KCND2: variants seen among roughly 807,000 people sequenced by gnomAD.
KCND2 encodes the protein potassium voltage-gated channel subfamily D member 2.
In KCND2, 16 loss-of-function variants were observed where a neutral mutation model predicts 54.4. That is an observed-to-expected ratio of 0.29 (90% CI 0.20 to 0.45). The LOEUF (loss-of-function observed/expected upper bound fraction) is 0.45. Ranked by LOEUF, KCND2 falls within the 20% of genes least tolerant of loss-of-function variation. The pLI is 1.00. For synonymous variants in KCND2, 317 were observed against 310.7 expected (o/e 1.02, Z -0.21); for missense variants, 486 against 824.2 (o/e 0.59, Z 5.02).
Position 120,457,442 on chromosome 7 carries a change from C to T in KCND2, c.1115+181695C>T, listed in dbSNP as rs146976606. ...TTCTGCCAGATACCCTAAATCATCT[C>T]TCTCAAGTTCAAATTTCCACATATC... On this transcript the variant is annotated intron_variant, in intron 1 of 5. Transcript: ENST00000331113. Among the ~76,000 whole-genome samples the T allele has an allele frequency of 6.2e-3, 939 of 152,284 alleles. 13 individuals are homozygous for T. Among genetic ancestry groups the T allele is most frequent in the Middle Eastern group, 0.034 (10 of 294 alleles).
chr7:120,622,673 A>C (rs1185824878), intron 1 of KCND2, among the ~76,000 whole-genome samples: 2 of 138,258 alleles, frequency 1.4e-5, no homozygotes, highest in African/African-American at 6.0e-5. Context: ...TTACACACAC[A>C]CACACACACA....
intron 1 of KCND2, among the ~76,000 whole-genome samples, chr7:120,351,626 C>T (rs1489213464): frequency 6.6e-6 from 1 of 151,808 alleles, no homozygotes; most frequent in South Asian, 2.1e-4. Flanking sequence ...TTATTTTCAA[C>T]GTTTATATAA....
chr7:120,694,462 A>G (rs975643046), intron 1 of KCND2, among the ~76,000 whole-genome samples: 3 of 152,198 alleles, frequency 2.0e-5, no homozygotes, highest in Non-Finnish European at 2.9e-5. Flanking sequence ...GGCTAAATAC[A>G]GAACCAAGTT....
At chr7:120,481,421 A>G (rs1802605818) in intron 1 of KCND2, among the ~76,000 whole-genome samples, 1 of 152,228 alleles carries the variant, frequency 6.6e-6, no homozygotes, top group South Asian at 2.1e-4. Flanking sequence ...GGCCATGTAA[A>G]GAATGAAAAG....
At chr7:120,614,271 T>G (rs1218770885) in intron 1 of KCND2, among the ~76,000 whole-genome samples, 1 of 152,098 alleles carries the variant, frequency 6.6e-6, no homozygotes, top group East Asian at 1.9e-4. Flanking sequence ...CCTTGGCCTC[T>G]CAAAGTGCTG....
At chr7:120,671,171 C>T (rs1791988365) in intron 1 of KCND2, among the ~76,000 whole-genome samples, 1 of 151,930 alleles carries the variant, frequency 6.6e-6, no homozygotes, top group Admixed American at 6.5e-5. Flanking sequence ...CCACAAATGC[C>T]ATAGATCGGG....
intron 1 of KCND2, among the ~76,000 whole-genome samples, chr7:120,506,421 G>C (rs1312850251): frequency 6.6e-6 from 1 of 151,792 alleles, no homozygotes; most frequent in East Asian, 1.9e-4. Flanking sequence ...ATTGCATACA[G>C]ATGAGATACT....
At chr7:120,398,462 A>G (rs1415278049) in intron 1 of KCND2, among the ~76,000 whole-genome samples, 1 of 151,818 alleles carries the variant, frequency 6.6e-6, no homozygotes, top group African/African-American at 2.4e-5. Context: ...ATGTTTACAT[A>G]AAACAGATTC....
At chr7:120,654,324 A>C (rs531529439) in intron 1 of KCND2, among the ~76,000 whole-genome samples, 1 of 152,240 alleles carries the variant, frequency 6.6e-6, no homozygotes, top group African/African-American at 2.4e-5. Context: ...AATTTTCAAC[A>C]TAAAACAGTT....
intron 1 of KCND2, among the ~76,000 whole-genome samples, chr7:120,451,066 A>G (rs572719919): frequency 1.3e-5 from 2 of 152,108 alleles, no homozygotes; most frequent in Non-Finnish European, 2.9e-5. Flanking sequence ...TTCTTCCTCA[A>G]GCAAAGCATC....
chr7:120,508,894 T>G (rs545355684), intron 1 of KCND2, among the ~76,000 whole-genome samples: 1 of 151,352 alleles, frequency 6.6e-6, no homozygotes, highest in South Asian at 2.1e-4. Context: ...TTTCACGATT[T>G]TTTTTTTTTT....
chr7:120,595,505 GTGTGTATATATATGTATATATA>G (rs1279570780), intron 1 of KCND2, among the ~76,000 whole-genome samples: 8 of 144,662 alleles, frequency 5.5e-5, no homozygotes, highest in African/African-American at 7.6e-5. Context: ...ATATGTGTGT[GTGTGTATATATATGTATATATA>G]TGTGTATATA....
At chr7:120,291,970 A>G (rs1296021920) in intron 1 of KCND2, among the ~76,000 whole-genome samples, 2 of 151,828 alleles carry the variant, frequency 1.3e-5, no homozygotes, top group South Asian at 2.1e-4. Flanking sequence ...TCCAGGATAC[A>G]TGTAAACTAA....
chr7:120,666,991 G>A lies in KCND2; in HGVS notation c.1116-65912G>A, dbSNP rs550290836. The stretch of plus-strand genomic sequence containing the variant: ...AATTGCAGAAAGGGTAAGAGGAGAG[G>A]GAGAGAGAGACAGAAGGAAATAAAC... On this transcript the variant is annotated intron_variant, in intron 1 of 5. Transcript: ENST00000331113. 3.0e-4 allele frequency among the ~76,000 whole-genome samples: 45 copies of A among 151,892 alleles called. 1 individual carries two copies. Among genetic ancestry groups the A allele is most frequent in the African/African-American group, 9.6e-4 (40 of 41,452 alleles).
intron 1 of KCND2, among the ~76,000 whole-genome samples, chr7:120,605,252 T>A (rs1792867205): frequency 1.3e-5 from 2 of 152,296 alleles, no homozygotes; most frequent in Non-Finnish European, 2.9e-5. Context: ...CCCCTGTCAA[T>A]CACCACTTTA....
intron 1 of KCND2, among the ~76,000 whole-genome samples, chr7:120,371,242 C>A (rs1800760041): frequency 6.6e-6 from 1 of 152,030 alleles, no homozygotes; most frequent in Admixed American, 6.6e-5. Flanking sequence ...GTCCCACAGA[C>A]AGGCCCCACA....
chr7:120,615,865 A>G (rs936677758), intron 1 of KCND2, among the ~76,000 whole-genome samples: 1 of 152,204 alleles, frequency 6.6e-6, no homozygotes, highest in African/African-American at 2.4e-5. Context: ...AACTGGGTCA[A>G]ACCACATGAA....
At chr7:120,589,014 CA>C (rs1439569012) in intron 1 of KCND2, among the ~76,000 whole-genome samples, 1 of 151,920 alleles carries the variant, frequency 6.6e-6, no homozygotes, top group Non-Finnish European at 1.5e-5. Context: ...AAACATTAAC[CA>C]AAAAAGCCAG....
chr7:120,651,092 A>T (rs146379707), intron 1 of KCND2, among the ~76,000 whole-genome samples: 21,464 of 142,554 alleles, frequency 0.15, 4,403 homozygotes, highest in East Asian at 0.46. Flanking sequence ...CAGTCTGACC[A>T]TTCTCAGTTC....
Sources: gnomAD v4.1 joint callset for allele counts (sites outside exome capture counted in the v4.1 genomes callset) on GRCh38, gnomAD v4.1.1 for gene constraint, MANE v1.5 for transcripts, NCBI Gene and HGNC (gene_info 2026-07-23, HGNC 2026-07-21) for gene names.